Variants in ZNF45 observed in about 807,000 individuals in gnomAD.
ZNF45 encodes the protein zinc finger protein 45.
A neutral mutation model predicts 12.0 loss-of-function variants in ZNF45; 4 were observed. The ratio of observed to expected loss-of-function variants is 0.33; its 90% CI spans 0.16 to 0.76. The LOEUF (loss-of-function observed/expected upper bound fraction) is 0.76. ZNF45 is among the 30% of genes least tolerant of loss of function. ZNF45 has a pLI of 0.60. For missense variants in ZNF45, 700 were observed against 813.0 expected, an observed-to-expected ratio of 0.86 and a Z score of 1.69; for synonymous variants, 272 against 279.6, an observed-to-expected ratio of 0.97 and a Z score of 0.27.
intron 6 of ZNF45, among the ~76,000 whole-genome samples, chr19:43,922,832 T>G (rs995495116): frequency 1.4e-5 from 2 of 142,626 alleles, no homozygotes; most frequent in African/African-American, 5.2e-5. Flanking sequence ...TTTTTTTTTT[T>G]TTTTTTTTTT....
At chr19:43,915,519 A>G (rs779351429) in intron 9 of ZNF45, among the ~76,000 whole-genome samples, 2 of 152,106 alleles carry the variant, frequency 1.3e-5, no homozygotes, top group Admixed American at 1.3e-4. Context: ...AGGGCCCCCA[A>G]CCCCTGGGCC....
In ZNF45 at chr19:43,919,606, T is replaced by C. The variant is rs1469809122; in HGVS notation, c.109A>G (p.Met37Val). ...ACCACATTCCTGAAGTTCTCCAGCA[T>C]CACATCTCGGTACAGCTTCCTCTGG... ...LAQRKLYRDVMLENFRNVVSV... is the reference protein window; with the variant it reads ...LAQRKLYRDVVLENFRNVVSV... Residue 37 changes from methionine to valine, a missense_variant, in exon 8 of 10, where the codon ATG (methionine) becomes GTG (valine). Met to Val is a conservative substitution (Grantham distance 21). Transcript: ENST00000269973. 1 of 1,612,812 alleles carries C rather than the reference T, an allele frequency of 6.2e-7. No homozygotes were observed. The highest frequency in any genetic ancestry group is 2.2e-5 in the East Asian group (1 of 44,836).
rs763226958 is a variant in ZNF45, at chr19:43,914,867, T to G, written c.569A>C (p.Lys190Thr). ...ATCACATTTTTCACATTTGTAGGGC[T>G]TCTCTCCTGCATGAGCCCTTTGGTT... Reference protein sequence around the residue: ...QINQRAHAGEKPYKCEKCDNA... With the variant: ...QINQRAHAGETPYKCEKCDNA... Residue 190 changes from lysine (K) to threonine (T), a missense_variant, in exon 10 of 10, where the codon AAG becomes ACG. Physicochemically the swap from Lys to Thr is moderately conservative, Grantham distance 78 (BLOSUM62 -1). Transcript: ENST00000269973. 1 of 1,613,440 alleles carries G rather than the reference T, an allele frequency of 6.2e-7. No homozygotes were observed. Among genetic ancestry groups the G allele is most frequent in the South Asian group, 1.1e-5 (1 of 91,078 alleles).
rs182762752 is a variant in ZNF45, at chr19:43,921,538, T to C, written c.15+633A>G. Among the ~76,000 whole-genome samples the C allele has an allele frequency of 2.2e-4, 33 of 152,338 alleles. No homozygotes were observed. In the South Asian group the frequency reaches 2.3e-3, roughly 11 times the overall value. ...GTCACACGATGTCATATCTGAATCA[T>C]TGACATAGGAACTACCCAAAGTACC... On this transcript the variant is annotated intron_variant, in intron 7 of 9. Coordinates refer to ENST00000269973, the MANE Select transcript of ZNF45 (RefSeq NM_003425.4).
At chr19:43,916,910 G>C (rs900434529) in intron 9 of ZNF45, among the ~76,000 whole-genome samples, 1 of 152,064 alleles carries the variant, frequency 6.6e-6, no homozygotes, top group Non-Finnish European at 1.5e-5. Context: ...TCATAAGGCA[G>C]AAAAGTGGCC....
Position 43,918,952 on chromosome 19 carries a change from G to T in ZNF45, c.153C>A (p.Ser51=). ...FRNVVSVGHQ[S]TPDGLPQLER... ...CTAACTGTGGTAGGCCATCTGGTGT[G>T]GACTGATGCCCTGTGAAAAGGCAAG... The change falls in exon 9 of 10, where the codon TCC becomes TCA. Residue 51 remains serine (S), a synonymous_variant. Coordinates refer to ENST00000269973, the MANE Select transcript of ZNF45 (RefSeq NM_003425.4). 1 of 1,613,930 alleles carries T rather than the reference G, an allele frequency of 6.2e-7. No homozygotes were observed.
At chr19:43,923,696 C>T (rs1009526902) in intron 6 of ZNF45, among the ~76,000 whole-genome samples, 1 of 152,084 alleles carries the variant, frequency 6.6e-6, no homozygotes, top group Non-Finnish European at 1.5e-5. Flanking sequence ...CATTGTTGTG[C>T]AGCCATCACC....
At chr19:43,916,753 C>T (rs552294761) in intron 9 of ZNF45, among the ~76,000 whole-genome samples, 11 of 152,094 alleles carry the variant, frequency 7.2e-5, no homozygotes, top group South Asian at 6.2e-4. Flanking sequence ...TTCAAGTAAA[C>T]GATGCATAAT....
chr19:43,919,301 A>C (rs1972934164), intron 8 of ZNF45, among the ~76,000 whole-genome samples: 1 of 152,230 alleles, frequency 6.6e-6, no homozygotes, highest in Non-Finnish European at 1.5e-5. Context: ...CCAATGGTAC[A>C]ATTCATCAAA....
At chr19:43,932,469 T>C (rs906754607) in intron 3 of ZNF45, 135 bp downstream of exon 3, 3 of 152,196 alleles carry the variant, frequency 2.0e-5, no homozygotes, top group Non-Finnish European at 2.9e-5. Context: ...CCTGAAAAAG[T>C]TGATGGATTC....
intron 2 of ZNF45, among the ~76,000 whole-genome samples, chr19:43,933,455 A>AAAAAAAC (rs886145300): frequency 1.3e-5 from 2 of 152,210 alleles, no homozygotes; most frequent in Non-Finnish European, 2.9e-5. Flanking sequence ...TTCCATCTCA[A>AAAAAAAC]AAAAAACAAA....
At position 43,914,042 on chromosome 19, in the gene ZNF45, C is replaced by G. The variant is rs1235523702; in HGVS notation, c.1394G>C (p.Gly465Ala). 6.2e-7 allele frequency: 1 copy of G among 1,613,746 alleles called. No individual in the cohort carries two copies. Among genetic ancestry groups the G allele is most frequent in the African/African-American group, 1.3e-5 (1 of 74,900 alleles). The change falls in exon 10 of 10, where the codon GGC becomes GCC. Residue 465 changes from glycine to alanine, a missense_variant. By Grantham distance (60) the Gly-to-Ala change is moderately conservative. Coordinates refer to ENST00000269973, the MANE Select transcript of ZNF45 (RefSeq NM_003425.4). ...TTTGTAGGGTTTCTCTCCAGTGTGG[C>G]CTCTTTGATGGGCCAGAAGATTTGA... ...QASNLLAHQR[G>A]HTGEKPYKCG...
Position 43,914,087 on chromosome 19 carries a change from C to G in ZNF45, c.1349G>C (p.Gly450Ala). Residue 450 changes from glycine to alanine, a missense_variant, in exon 10 of 10, where the codon GGC becomes GCC. Transcript: ENST00000269973. ...ATTTGAGGCCTGGCTGAAGCCCTTG[C>G]CACACTCCTCACATTTATAGGGTTT... ...GEKPYKCEEC[G>A]KGFSQASNLL... 1.2e-6 allele frequency: 2 copies of G among 1,614,124 alleles called. No individual in the cohort carries two copies. The highest frequency in any genetic ancestry group is 1.7e-6 in the Non-Finnish European group (2 of 1,179,984).
At chr19:43,926,202 C>A (rs1488032266) in intron 3 of ZNF45, 1 of 152,170 alleles carries the variant, frequency 6.6e-6, no homozygotes, top group Non-Finnish European at 1.5e-5. Flanking sequence ...GAAGACTAGA[C>A]TAGTTGGTCT....
At position 43,925,433 on chromosome 19, in the gene ZNF45, G is replaced by A. The variant is rs932733478; in HGVS notation, c.-374C>T. The stretch of plus-strand genomic sequence containing the variant: ...CTGCACAGTGAAAAATGGAGTTCTT[G>A]TAGCTCTCAGGGTATGATTCTGATT... On this transcript the variant is annotated 5_prime_UTR_variant, in exon 4 of 10. Coordinates refer to ENST00000269973, the MANE Select transcript of ZNF45 (RefSeq NM_003425.4). 5.3e-5 allele frequency: 8 copies of A among 152,112 alleles called. No individual in the cohort carries two copies. The highest frequency in any genetic ancestry group is 1.4e-4 in the African/African-American group (6 of 41,412). 9.4% of individuals were successfully genotyped at this position (152,112 alleles called of 1,614,324 possible).
rs1686407354 is a variant in ZNF45, at chr19:43,934,434, A to G, written c.-495T>C. The G allele has an allele frequency of 6.6e-6, 1 of 152,246 alleles. No individual in the cohort carries two copies. 9.4% of individuals were successfully genotyped at this position (152,246 alleles called of 1,614,324 possible). On this transcript the variant is annotated 5_prime_UTR_variant, in exon 2 of 10. Transcript: ENST00000269973. ...TGCAAGGAATGAAATACCTTCTCGC[A>G]CTCGGAACAGAAGAGGAAGGTGAAT...
intron 2 of ZNF45, 56 bp downstream of exon 2, chr19:43,934,370 A>C (rs1161961499): frequency 6.6e-6 from 1 of 152,196 alleles, no homozygotes; most frequent in Non-Finnish European, 1.5e-5. Flanking sequence ...CATTTTCTCC[A>C]ATTATACAAT....
chr19:43,914,944 G>A lies in ZNF45; in HGVS notation c.492C>T (p.Tyr164=). 4 of 1,611,760 alleles carry A rather than the reference G, an allele frequency of 2.5e-6. No homozygotes were observed. Among genetic ancestry groups the A allele is most frequent in the East Asian group, 2.2e-5 (1 of 44,792 alleles). The stretch of plus-strand genomic sequence containing the variant: ...AACTTTTCACACAATGTTCTCCTTT[G>A]TAGGGTTTTTCACCAGTGTGGACTC... ...VHRVHTGEKP[Y]KGEHCVKSFS... is the part of the protein sequence containing the mutation. The change falls in exon 10 of 10, where the codon TAC becomes TAT. Residue 164 remains tyrosine, a synonymous_variant. Coordinates refer to ENST00000269973, the MANE Select transcript of ZNF45 (RefSeq NM_003425.4).
chr19:43,928,027 C>A (rs537495884), intron 3 of ZNF45, among the ~76,000 whole-genome samples: 17 of 150,766 alleles, frequency 1.1e-4, no homozygotes, highest in African/African-American at 4.1e-4. Context: ...AAAAAAAATA[C>A]AAAATTAGCC....
Sources: allele counts gnomAD v4.1 joint callset (sites outside exome capture counted in the v4.1 genomes callset), GRCh38; gene constraint gnomAD v4.1.1; transcripts MANE v1.5; gene names NCBI Gene and HGNC (gene_info 2026-07-23, HGNC 2026-07-21).